KIF13B: variants seen among roughly 807,000 people sequenced by gnomAD.
KIF13B encodes kinesin family member 13B, also known as kinesin-like protein KIF13B.
KIF13B carries 127 observed loss-of-function variants against 222.0 expected under a neutral mutation model. That is an observed-to-expected ratio of 0.57 (90% confidence interval 0.50 to 0.66). The LOEUF (loss-of-function observed/expected upper bound fraction) is 0.66, where lower values mean the gene tolerates loss of function less well. KIF13B is among the 30% of genes least tolerant of loss of function. The pLI, the probability that KIF13B is intolerant of heterozygous loss-of-function variation, is 0.00. For synonymous variants in KIF13B, 976 were observed against 919.0 expected, an observed-to-expected ratio of 1.06 and a Z score of -1.12; for missense variants, 2,173 against 2,379.0, an observed-to-expected ratio of 0.91 and a Z score of 1.80.
At chr8:29,090,161 C>T (rs926052268) in intron 37 of KIF13B, among the ~76,000 whole-genome samples, 13 of 152,108 alleles carry the variant, frequency 8.5e-5, no homozygotes, top group African/African-American at 2.9e-4. Flanking sequence ...TAAAGAAGAA[C>T]GAAGATTCAA....
At chr8:29,122,539 G>A (rs375230433) in intron 29 of KIF13B, 52 bp downstream of exon 29, 20 of 1,439,764 alleles carry the variant, frequency 1.4e-5, no homozygotes, top group South Asian at 2.4e-5. Context: ...TACATGTTAT[G>A]TAGGCACTAA....
intron 1 of KIF13B, among the ~76,000 whole-genome samples, chr8:29,255,015 C>T (rs558117141): frequency 2.6e-5 from 4 of 152,170 alleles, no homozygotes; most frequent in African/African-American, 9.6e-5. Context: ...ATACATTATA[C>T]CAAGTGAAAG....
intron 36 of KIF13B, among the ~76,000 whole-genome samples, chr8:29,094,332 T>C (rs1459815743): frequency 3.9e-5 from 6 of 152,344 alleles, no homozygotes; most frequent in South Asian, 2.1e-4. Flanking sequence ...CCTGGCCTAC[T>C]GTGCCAGTCT....
chr8:29,108,139 C>T lies in KIF13B; in HGVS notation c.4215G>A (p.Lys1405=), dbSNP rs368888774. The change falls in exon 35 of 40, where the codon AAG becomes AAA. Residue 1405 remains lysine, a splice_region_variant and synonymous_variant. Coordinates refer to ENST00000524189, the MANE Select transcript of KIF13B (RefSeq NM_015254.4). ...TGATAGAAATAGTTAAAACACCTACCTTGTTGCTGCCTAGACTGTATGATG... is the reference window on the plus strand; with the variant it reads ...TGATAGAAATAGTTAAAACACCTACTTTGTTGCTGCCTAGACTGTATGATG... The part of the protein sequence containing the change: ...LIPSYSLGSN[K]GRWESQQDVS... The T allele has an allele frequency of 2.5e-5, 40 of 1,609,500 alleles. No individual in the cohort carries two copies. The highest frequency in any genetic ancestry group is 5.0e-5 in the Admixed American group (3 of 59,538).
intron 2 of KIF13B, among the ~76,000 whole-genome samples, chr8:29,240,994 C>T (rs1340153134): frequency 6.6e-6 from 1 of 152,114 alleles, no homozygotes; most frequent in East Asian, 1.9e-4. Context: ...CGGACGTCCA[C>T]ACAAAGACTT....
intron 8 of KIF13B, among the ~76,000 whole-genome samples, chr8:29,178,814 C>T (rs1356958325): frequency 6.6e-6 from 1 of 152,076 alleles, no homozygotes; most frequent in Non-Finnish European, 1.5e-5. Context: ...AGCACTTTGC[C>T]AGGGTGATTA....
intron 16 of KIF13B, 35 bp from the exon 17 acceptor site, chr8:29,147,637 A>T: frequency 1.4e-6 from 2 of 1,448,468 alleles, no homozygotes; most frequent in Non-Finnish European, 1.9e-6. Flanking sequence ...CATGATCGAG[A>T]GTTACAACAT....
chr8:29,191,156 A>G, intron 3 of KIF13B, 99 bp from the exon 4 acceptor site: 1 of 843,738 alleles, frequency 1.2e-6, no homozygotes, highest in Non-Finnish European at 1.9e-6. Flanking sequence ...AAAACAACTT[A>G]CTGTCATACA....
chr8:29,205,301 C>T (rs758674992), intron 2 of KIF13B, among the ~76,000 whole-genome samples: 1 of 152,118 alleles, frequency 6.6e-6, no homozygotes, highest in African/African-American at 2.4e-5. Context: ...TTTTCAAATT[C>T]TCTTGAAAAT....
chr8:29,098,699 C>T lies in KIF13B; in HGVS notation c.4324+434G>A, dbSNP rs149196976. On this transcript the variant is annotated intron_variant, in intron 36 of 39. Transcript: ENST00000524189. ...CATGTAACTACGGAATTTCATGAAA[C>T]ATTTAAGGAAGAGGTAATACTAATC... is the stretch of plus-strand genomic sequence containing the variant. Among the ~76,000 whole-genome samples the T allele has an allele frequency of 3.4e-4, 51 of 148,208 alleles. 1 individual carries two copies. The East Asian group carries it at 5.9e-3, about 17-fold the overall frequency.
chr8:29,121,812 AACAGGTAAT>A (rs1809872203), intron 29 of KIF13B, among the ~76,000 whole-genome samples: 2 of 152,078 alleles, frequency 1.3e-5, no homozygotes, highest in South Asian at 4.1e-4. Flanking sequence ...TTTTTTTTTA[AACAGGTAAT>A]ACAGGGATGA....
In KIF13B at chr8:29,216,947, C is replaced by T. The variant is rs530738031; in HGVS notation, c.150-20748G>A. Among the ~76,000 whole-genome samples, 58 of 150,046 alleles carry T rather than the reference C, an allele frequency of 3.9e-4. No individual in the cohort carries two copies. In the South Asian group the frequency reaches 0.01, roughly 27 times the overall value. ...CCATATCTGGGCCTGTGTCCATCGA[C>T]GTATATTCAGTCCAAAAAAAAAAAA... is the stretch of plus-strand genomic sequence containing the variant. On this transcript the variant is annotated intron_variant, in intron 2 of 39. Coordinates refer to ENST00000524189, the MANE Select transcript of KIF13B (RefSeq NM_015254.4).
chr8:29,174,981 C>T (rs1351717107), intron 10 of KIF13B, among the ~76,000 whole-genome samples: 1 of 152,170 alleles, frequency 6.6e-6, no homozygotes, highest in African/African-American at 2.4e-5. Flanking sequence ...TACTAAGCTA[C>T]TGGGGCGGCC....
intron 18 of KIF13B, among the ~76,000 whole-genome samples, chr8:29,143,518 T>C (rs1810912877): frequency 6.6e-6 from 1 of 152,258 alleles, no homozygotes; most frequent in African/African-American, 2.4e-5. Context: ...ACCACATTAT[T>C]ACCGTGCCAA....
intron 8 of KIF13B, among the ~76,000 whole-genome samples, chr8:29,179,646 C>T (rs1812629237): frequency 6.6e-6 from 1 of 152,214 alleles, no homozygotes; most frequent in Non-Finnish European, 1.5e-5. Context: ...TGCCTGCTGC[C>T]CCTTTCTGGC....
intron 35 of KIF13B, among the ~76,000 whole-genome samples, chr8:29,100,309 T>C (rs1326992346): frequency 6.6e-6 from 1 of 152,344 alleles, no homozygotes; most frequent in East Asian, 1.9e-4. Context: ...ATGTTGCTTG[T>C]ACTAAAACTG....
intron 2 of KIF13B, among the ~76,000 whole-genome samples, chr8:29,210,146 G>T (rs1814153189): frequency 1.3e-5 from 2 of 152,086 alleles, no homozygotes; most frequent in South Asian, 2.1e-4. Flanking sequence ...GATCAGGGAA[G>T]AAATGGGAAA....
At chr8:29,262,623 G>C (rs528977036) in intron 1 of KIF13B, among the ~76,000 whole-genome samples, 27 of 151,860 alleles carry the variant, frequency 1.8e-4, no homozygotes, top group Admixed American at 4.6e-4. Context: ...AAGGAGCGAG[G>C]CTGAGGGGCC....
chr8:29,129,637 A>T (rs183691946), intron 24 of KIF13B, among the ~76,000 whole-genome samples: 6 of 106,838 alleles, frequency 5.6e-5, no homozygotes, highest in African/African-American at 1.7e-4. Context: ...ACAATGCATT[A>T]AAGTATAGCA....
Sources: allele counts gnomAD v4.1 joint callset (sites outside exome capture counted in the v4.1 genomes callset), GRCh38; gene constraint gnomAD v4.1.1; transcripts MANE v1.5; gene names NCBI Gene and HGNC (gene_info 2026-07-23, HGNC 2026-07-21).